The following SP4 variants were observed in gnomAD, a reference collection of about 807,000 sequenced individuals.
SP4 encodes the protein transcription factor Sp4.
In SP4, 19 loss-of-function variants were observed where a neutral mutation model predicts 72.8. That is an observed-to-expected ratio of 0.26 (90% CI 0.18 to 0.38). The LOEUF is 0.38. Among genes scored for constraint, SP4 ranks in the 10% least tolerant of loss-of-function variants. The pLI is 1.00. For synonymous variants in SP4, 395 were observed against 333.1 expected (o/e 1.19, Z -2.02); for missense variants, 1,008 against 926.3 (o/e 1.09, Z -1.14).
intron 3 of SP4, among the ~76,000 whole-genome samples, chr7:21,440,029 A>C (rs1783190719): frequency 6.6e-6 from 1 of 152,228 alleles, no homozygotes; most frequent in Non-Finnish European, 1.5e-5. Flanking sequence ...GGAGGTAAGA[A>C]ATACCTGTGC....
intron 5 of SP4, among the ~76,000 whole-genome samples, chr7:21,485,741 C>A (rs902010170): frequency 6.6e-6 from 1 of 151,918 alleles, no homozygotes; most frequent in Admixed American, 6.6e-5. Context: ...TATTGTTTGA[C>A]TTTACCTGAA....
intron 5 of SP4, among the ~76,000 whole-genome samples, chr7:21,499,575 C>G (rs944261497): frequency 1.3e-5 from 2 of 152,124 alleles, no homozygotes; most frequent in African/African-American, 4.8e-5. Context: ...CTCTAGAGTC[C>G]TTGGAGGGAG....
intron 3 of SP4, chr7:21,471,271 G>C (rs1784334064): frequency 2.8e-6 from 1 of 357,086 alleles, no homozygotes; most frequent in Non-Finnish European, 5.7e-6. Context: ...AGCTAGGTCT[G>C]CAATATGAAT....
intron 5 of SP4, among the ~76,000 whole-genome samples, chr7:21,495,285 A>G (rs1785080294): frequency 6.6e-6 from 1 of 152,196 alleles, no homozygotes. Flanking sequence ...CTGTTAAGAG[A>G]ATGAAAACTC....
intron 5 of SP4, among the ~76,000 whole-genome samples, chr7:21,484,905 G>C (rs1415678254): frequency 6.6e-6 from 1 of 151,122 alleles, no homozygotes; most frequent in Non-Finnish European, 1.5e-5. Context: ...TTATGATTTG[G>C]GGCATATCTT....
rs958839965 is a variant in SP4, at chr7:21,513,973, T to C, written c.*2704T>C. On this transcript the variant is annotated 3_prime_UTR_variant, in exon 6 of 6. Coordinates refer to ENST00000222584, the MANE Select transcript of SP4 (RefSeq NM_003112.5). ...AGTGGGATATAGCTGTTATAAGTAA[T>C]AGGGCACAGATGTGCAGTAGAGTCT... 4.6e-5 allele frequency: 7 copies of C among 152,636 alleles called. No individual in the cohort carries two copies. The highest frequency in any genetic ancestry group is 1.7e-4 in the African/African-American group (7 of 41,460). 9.5% of individuals were successfully genotyped at this position (152,636 alleles called of 1,614,324 possible).
intron 3 of SP4, among the ~76,000 whole-genome samples, chr7:21,449,023 T>G (rs1783507879): frequency 1.3e-5 from 2 of 152,162 alleles, no homozygotes; most frequent in Admixed American, 1.3e-4. Context: ...TGCAAATGCT[T>G]TTTTCAAAAC....
intron 5 of SP4, among the ~76,000 whole-genome samples, chr7:21,493,709 T>C (rs923757477): frequency 1.4e-4 from 9 of 63,026 alleles, no homozygotes; most frequent in African/African-American, 6.3e-4. Context: ...TTTTAAACTT[T>C]TGACAAAAGA....
At chr7:21,473,794 G>A (rs1784416310) in intron 3 of SP4, among the ~76,000 whole-genome samples, 1 of 152,090 alleles carries the variant, frequency 6.6e-6, no homozygotes, top group South Asian at 2.1e-4. Context: ...TTTATTTGAG[G>A]GCCAGAAGAG....
At chr7:21,475,680 G>A (rs537660312) in intron 3 of SP4, among the ~76,000 whole-genome samples, 1 of 152,054 alleles carries the variant, frequency 6.6e-6, no homozygotes, top group Non-Finnish European at 1.5e-5. Context: ...AGCCAGGATG[G>A]TCTCGATCTC....
chr7:21,464,402 G>T (rs1279480072), intron 3 of SP4, among the ~76,000 whole-genome samples: 1 of 151,886 alleles, frequency 6.6e-6, no homozygotes, highest in Non-Finnish European at 1.5e-5. Flanking sequence ...GGCCAGTCAG[G>T]GCTCTCTTTC....
intron 3 of SP4, among the ~76,000 whole-genome samples, chr7:21,470,466 G>A (rs1784301121): frequency 6.6e-6 from 1 of 152,174 alleles, no homozygotes; most frequent in Non-Finnish European, 1.5e-5. Flanking sequence ...GTTGGCTTAG[G>A]CATAGGCCCC....
chr7:21,486,040 T>C (rs1784804109), intron 5 of SP4, among the ~76,000 whole-genome samples: 1 of 152,046 alleles, frequency 6.6e-6, no homozygotes, highest in Admixed American at 6.5e-5. Flanking sequence ...TAAAGGATTC[T>C]TTATTTTCTC....
chr7:21,430,214 C>T lies in SP4; in HGVS notation c.1049C>T (p.Thr350Ile). The T allele has an allele frequency of 6.2e-7, 1 of 1,614,198 alleles. No individual in the cohort carries two copies. The highest frequency in any genetic ancestry group is 1.1e-5 in the South Asian group (1 of 91,090). Reference sequence around the variant, plus strand: ...GCAGATACTGGCCAGTATGCAAGCACATCAGCCAGTAGTTCTGAACGCACC... The same window carrying T: ...GCAGATACTGGCCAGTATGCAAGCATATCAGCCAGTAGTTCTGAACGCACC... ...SSADTGQYAS[T>I]SASSSERTIE... The change falls in exon 3 of 6, where the codon ACA (threonine) becomes ATA (isoleucine). Residue 350 changes from threonine to isoleucine, a missense_variant. Transcript: ENST00000222584.
At chr7:21,446,988 C>G (rs1052966266) in intron 3 of SP4, among the ~76,000 whole-genome samples, 6 of 152,160 alleles carry the variant, frequency 3.9e-5, no homozygotes, top group Non-Finnish European at 8.8e-5. Context: ...ATGGTTCATT[C>G]ACTAGCGCCC....
chr7:21,478,165 A>G (rs962192312), intron 4 of SP4, among the ~76,000 whole-genome samples: 1 of 152,232 alleles, frequency 6.6e-6, no homozygotes, highest in African/African-American at 2.4e-5. Context: ...AATGTTTTCA[A>G]GGTTCAACCA....
intron 3 of SP4, among the ~76,000 whole-genome samples, chr7:21,466,461 A>T (rs1056634092): frequency 6.6e-6 from 1 of 152,188 alleles, no homozygotes; most frequent in Non-Finnish European, 1.5e-5. Context: ...CACAGCTCCC[A>T]GGTCCTCAAA....
At chr7:21,462,653 A>G (rs1784032685) in intron 3 of SP4, among the ~76,000 whole-genome samples, 1 of 152,234 alleles carries the variant, frequency 6.6e-6, no homozygotes. Context: ...TGTAGAAATT[A>G]TGGCAGTGTA....
chr7:21,442,014 G>T (rs1420470591), intron 3 of SP4, among the ~76,000 whole-genome samples: 3 of 28,076 alleles, frequency 1.1e-4, no homozygotes, highest in African/African-American at 4.1e-4. Flanking sequence ...GTTTGTGTGT[G>T]TGTGTGTGTG....
Sources: gnomAD v4.1 joint callset for allele counts (sites outside exome capture counted in the v4.1 genomes callset) on GRCh38, gnomAD v4.1.1 for gene constraint, MANE v1.5 for transcripts, NCBI Gene and HGNC (gene_info 2026-07-23, HGNC 2026-07-21) for gene names.